Variants in RNF111 observed in about 807,000 individuals in gnomAD.
The protein encoded by RNF111 is E3 ubiquitin-protein ligase Arkadia.
In RNF111, 17 loss-of-function variants were observed where a neutral mutation model predicts 95.1. The ratio of observed to expected loss-of-function variants is 0.18; its 90% CI spans 0.12 to 0.27. The LOEUF (loss-of-function observed/expected upper bound fraction) is 0.27. RNF111 is among the 10% of genes least tolerant of loss of function. The pLI, the probability that RNF111 is intolerant of heterozygous loss-of-function variation, is 1.00. For synonymous variants in RNF111, 440 were observed against 414.8 expected, an observed-to-expected ratio of 1.06 and a Z score of -0.74; for missense variants, 1,189 against 1,210.4, an observed-to-expected ratio of 0.98 and a Z score of 0.26.
intron 1 of RNF111, among the ~76,000 whole-genome samples, chr15:58,994,546 C>T (rs1297743796): frequency 7.4e-6 from 1 of 135,538 alleles, no homozygotes; most frequent in Non-Finnish European, 1.5e-5. Flanking sequence ...AGTGTGATCT[C>T]GGCTCACTGT....
At chr15:59,054,772 T>G (rs1418513052) in intron 3 of RNF111, among the ~76,000 whole-genome samples, 1 of 152,174 alleles carries the variant, frequency 6.6e-6, no homozygotes, top group Non-Finnish European at 1.5e-5. Context: ...TCTTAGTGGT[T>G]AAGCACCCAC....
At chr15:59,014,645 T>G (rs1041408821) in intron 1 of RNF111, among the ~76,000 whole-genome samples, 2 of 152,208 alleles carry the variant, frequency 1.3e-5, no homozygotes, top group African/African-American at 4.8e-5. Flanking sequence ...TGTTTTATTC[T>G]GAGTCTAAGA....
chr15:59,026,727 A>AC (rs1350394829), intron 1 of RNF111, among the ~76,000 whole-genome samples: 1 of 152,050 alleles, frequency 6.6e-6, no homozygotes, highest in Admixed American at 6.6e-5. Flanking sequence ...ATTTTAGAAA[A>AC]AAAAATTTAG....
chr15:59,051,667 G>T lies in RNF111; in HGVS notation c.881-638G>T, dbSNP rs577839357. On this transcript the variant is annotated intron_variant, in intron 2 of 13. Transcript: ENST00000348370. ...GCCTGTAGTCCCAGCTACTTGAGAG[G>T]CTGAGGCATGAGAATCACTTGAACC... Among the ~76,000 whole-genome samples the T allele has an allele frequency of 9.9e-5, 15 of 151,862 alleles. No individual in the cohort carries two copies. The East Asian group carries it at 2.7e-3, about 27-fold the overall frequency.
At chr15:59,038,695 A>G (rs2041300827) in intron 2 of RNF111, among the ~76,000 whole-genome samples, 1 of 152,134 alleles carries the variant, frequency 6.6e-6, no homozygotes, top group South Asian at 2.1e-4. Flanking sequence ...TTCAACACAC[A>G]TGGTTTAATT....
Position 59,031,797 on chromosome 15 carries a change from C to G in RNF111, c.880+95C>G, listed in dbSNP as rs1234389916. 11 of 1,026,480 alleles carry G rather than the reference C, an allele frequency of 1.1e-5. No individual in the cohort carries two copies. In the Admixed American group the frequency reaches 2.6e-4, roughly 25 times the overall value. 63.6% of individuals were successfully genotyped at this position (1,026,480 alleles called of 1,614,324 possible). A position where few individuals can be genotyped will look rare whatever the true frequency, so the allele number is the denominator to read the frequency against. The stretch of plus-strand genomic sequence containing the variant: ...GTCTTACTGATTTTATTTAAAGGGA[C>G]TATCAGGTTCTATTAACTTTTATTT... On this transcript the variant is annotated intron_variant, in intron 2 of 13. Transcript: ENST00000348370.
intron 2 of RNF111, among the ~76,000 whole-genome samples, chr15:59,043,289 G>A (rs995011099): frequency 3.9e-5 from 6 of 151,902 alleles, no homozygotes; most frequent in African/African-American, 1.2e-4. Context: ...CAAGCAGCTG[G>A]GATTACAGGT....
At chr15:59,087,266 A>G (rs935674473) in intron 10 of RNF111, among the ~76,000 whole-genome samples, 5 of 152,230 alleles carry the variant, frequency 3.3e-5, no homozygotes, top group South Asian at 2.1e-4. Flanking sequence ...GAGAATGACA[A>G]TACTGTATTT....
At chr15:59,063,006 T>A (rs2042506457) in intron 5 of RNF111, among the ~76,000 whole-genome samples, 1 of 152,198 alleles carries the variant, frequency 6.6e-6, no homozygotes, top group African/African-American at 2.4e-5. Flanking sequence ...GGGGACAGCA[T>A]TGCTTTATGC....
At chr15:59,071,993 C>T (rs570865000) in intron 6 of RNF111, among the ~76,000 whole-genome samples, 1 of 152,250 alleles carries the variant, frequency 6.6e-6, no homozygotes, top group South Asian at 2.1e-4. Context: ...AATGTACATG[C>T]TTCAATTTAA....
intron 4 of RNF111, among the ~76,000 whole-genome samples, chr15:59,057,059 C>A (rs1247933814): frequency 6.6e-6 from 1 of 152,124 alleles, no homozygotes; most frequent in Admixed American, 6.5e-5. Context: ...GTACATCAGA[C>A]CAGTGGTTCT....
intron 2 of RNF111, chr15:59,049,352 G>T (rs2041861189): frequency 6.7e-6 from 1 of 148,782 alleles, no homozygotes; most frequent in African/African-American, 2.5e-5. Flanking sequence ...TTATAGTCCA[G>T]GTGTCTTTGA....
intron 6 of RNF111, 125 bp from the exon 7 acceptor site, chr15:59,075,825 AGAAT>A (rs1459228060): frequency 6.2e-5 from 62 of 992,606 alleles, no homozygotes; most frequent in Non-Finnish European, 8.4e-5. Context: ...CTTCATACTA[AGAAT>A]CTTCCTGGTT....
chr15:59,052,378 T>A lies in RNF111; in HGVS notation c.954T>A (p.Asn318Lys). 1 of 1,606,388 alleles carries A rather than the reference T, an allele frequency of 6.2e-7. No individual in the cohort carries two copies. The highest frequency in any genetic ancestry group is 8.5e-7 in the Non-Finnish European group (1 of 1,176,740). The part of the protein sequence containing the change: ...TPQVTANEEI[N>K]VTSTDSEVEI... ...AGGTTACTGCCAATGAAGAAATTAA[T>A]GTTACCTCAACTGACAGTGAAGTGG... The change falls in exon 3 of 14, where the codon AAT (asparagine) becomes AAA (lysine). Residue 318 changes from asparagine (N) to lysine (K), a missense_variant. This residue lies in a region of RNF111 where 1,024 missense variants were observed against 925.9 expected (regional missense o/e 1.11). Coordinates refer to ENST00000348370, the MANE Select transcript of RNF111 (RefSeq NM_017610.8).
intron 2 of RNF111, among the ~76,000 whole-genome samples, chr15:59,037,889 G>A (rs1269587340): frequency 1.3e-5 from 2 of 152,196 alleles, no homozygotes; most frequent in East Asian, 1.9e-4. Context: ...TCAAGGAAAC[G>A]TAAATGTCAA....
intron 1 of RNF111, among the ~76,000 whole-genome samples, chr15:58,992,037 GTATTT>G (rs558012796): frequency 1.3e-5 from 2 of 151,946 alleles, no homozygotes; most frequent in Admixed American, 6.6e-5. Flanking sequence ...CAAATGTCTG[GTATTT>G]TATTTTATTT....
chr15:59,000,032 C>G (rs1308122022), intron 1 of RNF111, among the ~76,000 whole-genome samples: 3 of 152,116 alleles, frequency 2.0e-5, no homozygotes. Flanking sequence ...GGCCCCACCT[C>G]CAACAATGGG....
chr15:58,989,157 C>T (rs1296722533), intron 1 of RNF111, among the ~76,000 whole-genome samples: 4 of 152,078 alleles, frequency 2.6e-5, no homozygotes, highest in African/African-American at 9.7e-5. Context: ...AAAGATACAT[C>T]TTTTGATAGT....
chr15:59,045,337 C>G (rs545083425), intron 2 of RNF111, among the ~76,000 whole-genome samples: 1 of 151,914 alleles, frequency 6.6e-6, no homozygotes, highest in East Asian at 1.9e-4. Context: ...ACTACAGGCA[C>G]CTGCCACCAC....
Sources: allele counts gnomAD v4.1 joint callset (sites outside exome capture counted in the v4.1 genomes callset), GRCh38; gene constraint gnomAD v4.1.1; regional missense constraint gnomAD v4.1.1; transcripts MANE v1.5; gene names NCBI Gene and HGNC (gene_info 2026-07-23, HGNC 2026-07-21).